Variants in ZNF514 observed in about 807,000 individuals in gnomAD.
The protein encoded by ZNF514 is zinc finger protein 514.
Under a neutral mutation model 9.7 loss-of-function variants are expected in ZNF514, and 12 were observed. That is an observed-to-expected ratio of 1.24 (90% CI 0.79 to 2.01). The LOEUF is 2.01. Among genes scored for constraint, ZNF514 ranks in the 30% most tolerant of loss-of-function variants. The probability of loss-of-function intolerance (pLI) is 0.00; values close to 1 mark genes in which losing one functional copy is unlikely to be tolerated. For missense variants in ZNF514, 467 were observed against 465.5 expected (o/e 1.00, Z -0.03); for synonymous variants, 158 against 163.7 (o/e 0.97, Z 0.27).
chr2:95,137,751 T>A, the ZNF514 span, among the ~76,000 whole-genome samples: 2 of 152,216 alleles, frequency 1.3e-5, no homozygotes, highest in Non-Finnish European at 2.9e-5. Flanking sequence ...ACCTGGAACA[T>A]CCAAACTTTT....
rs1673346376 is a variant in ZNF514 at position 95,145,875 on chromosome 2, A to C, written c.*3407T>G. On this transcript the variant is annotated 3_prime_UTR_variant, in exon 5 of 5. Coordinates refer to ENST00000295208, the MANE Select transcript of ZNF514 (RefSeq NM_032788.3). ...CCAAAAATCCTTTGCACTTCCTACA[A>C]GATAAATCCTCACTCCCGTGTTTGG... Among the ~76,000 whole-genome samples, 2 of 152,186 alleles carry C rather than the reference A, an allele frequency of 1.3e-5. No homozygotes were observed. Among genetic ancestry groups the C allele is most frequent in the Admixed American group, 6.5e-5 (1 of 15,280 alleles).
At chr2:95,138,785 A>G in the ZNF514 span, among the ~76,000 whole-genome samples, 2 of 152,252 alleles carry the variant, frequency 1.3e-5, no homozygotes, top group Non-Finnish European at 2.9e-5. Context: ...AGATATTTGC[A>G]TAACTAAAAA....
the ZNF514 span, among the ~76,000 whole-genome samples, chr2:95,138,740 G>A: frequency 1.3e-5 from 2 of 152,232 alleles, no homozygotes; most frequent in South Asian, 4.1e-4. Context: ...ACTGGGAGAG[G>A]AATTCAAGCA....
chr2:95,140,983 AAAAAG>A (rs934804919), downstream of ZNF514, among the ~76,000 whole-genome samples: 1 of 151,996 alleles, frequency 6.6e-6, no homozygotes, highest in Non-Finnish European at 1.5e-5. Flanking sequence ...TCAAAAAAAA[AAAAAG>A]AAAAGAAAGG....
At chr2:95,150,809 TA>T (rs1673516296) in intron 4 of ZNF514, among the ~76,000 whole-genome samples, 1 of 152,182 alleles carries the variant, frequency 6.6e-6, no homozygotes, top group Non-Finnish European at 1.5e-5. Flanking sequence ...GCCTACAGGA[TA>T]AACCCTTTAT....
the ZNF514 span, among the ~76,000 whole-genome samples, chr2:95,127,598 TTTG>T: frequency 1.1e-4 from 16 of 152,026 alleles, no homozygotes; most frequent in South Asian, 2.1e-4. Context: ...TGTTTTTGTT[TTTG>T]TTTTTTTGTT....
At chr2:95,127,932 T>C in the ZNF514 span, among the ~76,000 whole-genome samples, 1 of 152,118 alleles carries the variant, frequency 6.6e-6, no homozygotes, top group Non-Finnish European at 1.5e-5. Flanking sequence ...TGATGGTAGC[T>C]GTTCCCTCTA....
chr2:95,136,320 G>C, the ZNF514 span, among the ~76,000 whole-genome samples: 1 of 151,730 alleles, frequency 6.6e-6, no homozygotes, highest in Admixed American at 6.6e-5. Flanking sequence ...GCAGTGGTGT[G>C]ATCTTGGCTC....
chr2:95,138,071 G>A, the ZNF514 span, among the ~76,000 whole-genome samples: 13 of 152,194 alleles, frequency 8.5e-5, no homozygotes, highest in African/African-American at 3.1e-4. Flanking sequence ...AAGCTGAGCA[G>A]GTGTCAGCAC....
At chr2:95,124,167 G>T in the ZNF514 span, among the ~76,000 whole-genome samples, 1 of 152,268 alleles carries the variant, frequency 6.6e-6, no homozygotes, top group South Asian at 2.1e-4. Context: ...AAGATCACCT[G>T]TGCATCTCCC....
chr2:95,151,254 A>C (rs1673529553), intron 4 of ZNF514, among the ~76,000 whole-genome samples: 1 of 152,226 alleles, frequency 6.6e-6, no homozygotes, highest in Non-Finnish European at 1.5e-5. Context: ...GAGTGCTTAA[A>C]ATCGGAGAGC....
In ZNF514 at chr2:95,146,564, C is replaced by G. The variant is rs924333591; in HGVS notation, c.*2718G>C. On this transcript the variant is annotated 3_prime_UTR_variant, in exon 5 of 5. Transcript: ENST00000295208. ...ATTTGTGTGCAATGGAGGCTTCTGT[C>G]AGGAGCAGCAGGAGGTTGGAGCAGC... 1.3e-5 allele frequency among the ~76,000 whole-genome samples: 2 copies of G among 151,084 alleles called. No homozygotes were observed. The highest frequency in any genetic ancestry group is 4.9e-5 in the African/African-American group (2 of 41,046).
In ZNF514 at chr2:95,150,133, C is replaced by G; in HGVS notation, c.352G>C (p.Gly118Arg). ...LQFSKLKAAC[G>R]CDGQLEMQQI... ...TGCATCTCTAACTGGCCATCACAAC[C>G]GCAGGCTGCTTTCAACTTCGAGAAC... The change falls in exon 5 of 5, where the codon GGT (glycine) becomes CGT (arginine). Residue 118 changes from glycine (G) to arginine (R), a missense_variant. By Grantham distance (125) the Gly-to-Arg change is moderately radical. Transcript: ENST00000295208. 1 of 1,611,428 alleles carries G rather than the reference C, an allele frequency of 6.2e-7. No individual in the cohort carries two copies.
At chr2:95,156,749 T>C (rs1486544884) in intron 2 of ZNF514, among the ~76,000 whole-genome samples, 2 of 152,170 alleles carry the variant, frequency 1.3e-5, no homozygotes, top group Admixed American at 6.5e-5. Flanking sequence ...AACCAATGCA[T>C]AGAGAGGTTA....
rs1673490681 is a variant in ZNF514 at position 95,150,036 on chromosome 2, T to C, written c.449A>G (p.Asp150Gly). ...IHKSATTLSR[D>G]YKWNGFGRSL... ...TCTCCCAAATCCATTCCATTTATAATCTCTGCTAAGGGTGGTGGCAGATTT... is the reference window on the plus strand; with the variant it reads ...TCTCCCAAATCCATTCCATTTATAACCTCTGCTAAGGGTGGTGGCAGATTT... The change falls in exon 5 of 5, where the codon GAT becomes GGT. Residue 150 changes from aspartate to glycine, a missense_variant. Physicochemically the swap from Asp to Gly is moderately conservative, Grantham distance 94. Coordinates refer to ENST00000295208, the MANE Select transcript of ZNF514 (RefSeq NM_032788.3). 2 of 1,614,092 alleles carry C rather than the reference T, an allele frequency of 1.2e-6. No individual in the cohort carries two copies. Among genetic ancestry groups the C allele is most frequent in the Non-Finnish European group, 1.7e-6 (2 of 1,180,046 alleles).
Position 95,149,764 on chromosome 2 carries a change from A to T in ZNF514, c.721T>A (p.Phe241Ile), listed in dbSNP as rs1673477984. The stretch of plus-strand genomic sequence containing the variant: ...TTAATAAGGGATGAAATATGACCAA[A>T]GGCTCTTCCACAGTCACTGCATTCA... ...PYECSDCGRA[F>I]GHISSLIKHQ... Residue 241 changes from phenylalanine (F) to isoleucine (I), a missense_variant, in exon 5 of 5, where the codon TTT becomes ATT. Coordinates refer to ENST00000295208, the MANE Select transcript of ZNF514 (RefSeq NM_032788.3). 6.2e-7 allele frequency: 1 copy of T among 1,614,136 alleles called. No homozygotes were observed. The highest frequency in any genetic ancestry group is 8.5e-7 in the Non-Finnish European group (1 of 1,180,052).
chr2:95,126,371 C>CAAAAAAAAAAAAAAAAA, the ZNF514 span, among the ~76,000 whole-genome samples: 2 of 51,396 alleles, frequency 3.9e-5, no homozygotes, highest in Non-Finnish European at 7.5e-5. Context: ...AACTCCATCT[C>CAAAAAAAAAAAAAAAAA]AAAAAAAAAA....
chr2:95,150,792 CTCCA>C (rs1673515685), intron 4 of ZNF514, among the ~76,000 whole-genome samples: 1 of 152,184 alleles, frequency 6.6e-6, no homozygotes, highest in Admixed American at 6.5e-5. Context: ...TCCAAAGGCT[CTCCA>C]GTGCCTACAG....
chr2:95,149,712 T>G lies in ZNF514; in HGVS notation c.773A>C (p.Lys258Thr). ...IKHQRTHTGE[K>T]PYECSECGRA... ...CCCACATTCACTGCATTCATAGGGC[T>G]TTTCTCCAGTATGAGTTCTTTGATG... is the stretch of plus-strand genomic sequence containing the variant. The change falls in exon 5 of 5, where the codon AAG (lysine) becomes ACG (threonine). Residue 258 changes from lysine (K) to threonine (T), a missense_variant. Transcript: ENST00000295208. 6.2e-7 allele frequency: 1 copy of G among 1,614,230 alleles called. No homozygotes were observed. The highest frequency in any genetic ancestry group is 8.5e-7 in the Non-Finnish European group (1 of 1,180,036).
Sources: allele counts gnomAD v4.1 joint callset (sites outside exome capture counted in the v4.1 genomes callset), GRCh38; gene constraint gnomAD v4.1.1; transcripts MANE v1.5; gene names NCBI Gene and HGNC (gene_info 2026-07-23, HGNC 2026-07-21).